The following RNU1-1 variants were observed in gnomAD, a reference collection of about 807,000 sequenced individuals.
RNU1-1 encodes the protein RNA, U1A small nuclear.
At chr1:16,514,250 T>C (rs866201314) in exon 1 of RNU1-1, 16 of 602,544 alleles carry the variant, frequency 2.7e-5, no homozygotes, top group Non-Finnish European at 2.9e-5. Flanking sequence ...GAAAACCACC[T>C]TCGTGATCAT....
exon 1 of RNU1-1, chr1:16,514,245 C>T (rs2087494790): frequency 1.9e-6 from 1 of 517,148 alleles, no homozygotes; most frequent in Non-Finnish European, 2.5e-6. Context: ...CCTGGGAAAA[C>T]CACCTTCGTG....
chr1:16,514,240 G>A (rs1312512239), exon 1 of RNU1-1: 45 of 443,704 alleles, frequency 1.0e-4, no homozygotes, highest in East Asian at 1.6e-4. Context: ...CTCGCCCTGG[G>A]AAAACCACCT....
chr1:16,514,258 C>T (rs1329901641), exon 1 of RNU1-1: 68 of 701,016 alleles, frequency 9.7e-5, no homozygotes, highest in Non-Finnish European at 1.2e-4. Context: ...CCTTCGTGAT[C>T]ATGGTATCTC....
At position 16,514,243 on chromosome 1, in the gene RNU1-1, A is replaced by G. The variant is rs569181809; in HGVS notation, n.43T>C. ...CAATGGATAAGCCTCGCCCTGGGAAAACCACCTTCGTGATCATGGTATCTC... is the reference window on the plus strand; with the variant it reads ...CAATGGATAAGCCTCGCCCTGGGAAGACCACCTTCGTGATCATGGTATCTC... On this transcript the variant is annotated non_coding_transcript_exon_variant, in exon 1 of 1. Transcript: ENST00000383925. 1.9e-3 allele frequency: 885 copies of G among 474,662 alleles called. 5 individuals carry two copies. The highest frequency in any genetic ancestry group is 0.018 in the African/African-American group (833 of 47,276). The allele number at this position is 474,662 out of a possible 1,614,324, so 29.4% of individuals were successfully genotyped here. A position where few individuals can be genotyped will look rare whatever the true frequency, so the allele number is the denominator to read the frequency against.
At chr1:16,514,230 C>T (rs535410556) in exon 1 of RNU1-1, 8 of 216,236 alleles carry the variant, frequency 3.7e-5, no homozygotes, top group East Asian at 3.7e-4. Flanking sequence ...ATGGATAAGC[C>T]TCGCCCTGGG....
chr1:16,514,277 G>A (rs190759445), exon 1 of RNU1-1: 37 of 918,150 alleles, frequency 4.0e-5, no homozygotes, highest in Admixed American at 6.2e-5. Context: ...TCCCCTGCCA[G>A]GTAAGTATGA....
exon 1 of RNU1-1, chr1:16,514,234 C>T (rs1279390268): frequency 2.3e-5 from 6 of 262,828 alleles, no homozygotes; most frequent in African/African-American, 6.9e-5. Context: ...ATAAGCCTCG[C>T]CCTGGGAAAA....
Sources: allele counts gnomAD v4.1 joint callset, GRCh38; gene constraint gnomAD v4.1.1; transcripts MANE v1.5; gene names NCBI Gene and HGNC (gene_info 2026-07-23, HGNC 2026-07-21).